PIGK: variants seen among roughly 807,000 people sequenced by gnomAD.
The protein encoded by PIGK is GPI-anchor transamidase.
PIGK carries 42 observed loss-of-function variants against 50.6 expected under a neutral mutation model. That is an observed-to-expected ratio of 0.83 (90% CI 0.65 to 1.07). The LOEUF (loss-of-function observed/expected upper bound fraction) is 1.07, where lower values mean the gene tolerates loss of function less well. PIGK is among the 50% of genes least tolerant of loss of function. PIGK has a pLI of 0.00. For synonymous variants in PIGK, 151 were observed against 156.0 expected, an observed-to-expected ratio of 0.97 and a Z score of 0.24; for missense variants, 448 against 488.7, an observed-to-expected ratio of 0.92 and a Z score of 0.78.
At chr1:77,180,657 G>C (rs1228939751) in intron 3 of PIGK, among the ~76,000 whole-genome samples, 1 of 131,264 alleles carries the variant, frequency 7.6e-6, no homozygotes, top group African/African-American at 2.8e-5. Context: ...ATCAACATAT[G>C]TAAGATCAAC....
chr1:77,191,412 AG>A, intron 3 of PIGK, among the ~76,000 whole-genome samples: 1 of 152,198 alleles, frequency 6.6e-6, no homozygotes, highest in East Asian at 1.9e-4. Context: ...TCCCTAACTA[AG>A]CTACTATAAT....
intron 10 of PIGK, among the ~76,000 whole-genome samples, chr1:77,106,283 A>T (rs1653670710): frequency 6.6e-6 from 1 of 152,164 alleles, no homozygotes; most frequent in African/African-American, 2.4e-5. Context: ...TTTCAAGTGG[A>T]AAAGGAGGAC....
chr1:77,200,270 T>C (rs572616889), intron 3 of PIGK, among the ~76,000 whole-genome samples: 1 of 152,138 alleles, frequency 6.6e-6, no homozygotes, highest in South Asian at 2.1e-4. Flanking sequence ...TATATTGAAG[T>C]ACATGAATAC....
intron 8 of PIGK, 112 bp from the exon 9 acceptor site, chr1:77,154,733 A>G: frequency 1.4e-6 from 1 of 708,852 alleles, no homozygotes; most frequent in Admixed American, 3.1e-5. Context: ...TCCCAACCTA[A>G]AGAAGCTATG....
intron 3 of PIGK, among the ~76,000 whole-genome samples, chr1:77,183,443 G>T (rs1366408632): frequency 1.3e-5 from 2 of 152,188 alleles, no homozygotes; most frequent in Non-Finnish European, 2.9e-5. Flanking sequence ...ATTCTCCTCA[G>T]GAGCCACCTC....
At chr1:77,213,994 A>T (rs1260350115) in intron 1 of PIGK, among the ~76,000 whole-genome samples, 5 of 152,204 alleles carry the variant, frequency 3.3e-5, no homozygotes, top group Non-Finnish European at 7.3e-5. Flanking sequence ...GAAGAAAGAG[A>T]AACCTGAATG....
In PIGK at chr1:77,169,921, ACAAT is replaced by A. The variant is rs1295781777; in HGVS notation, c.240-530_240-527del. On this transcript the variant is annotated intron_variant, in intron 3 of 10. Coordinates refer to ENST00000370812, the MANE Select transcript of PIGK (RefSeq NM_005482.3). The stretch of plus-strand genomic sequence containing the variant: ...AAAAACATGCAACTGATCAGCAAGT[ACAAT>A]CAGTTTAGCACAAGAGCACACCTCC... Among the ~76,000 whole-genome samples the A allele has an allele frequency of 2.6e-5, 4 of 152,322 alleles. No homozygotes were observed. The Middle Eastern group carries it at 0.014, about 518-fold the overall frequency.
chr1:77,119,757 C>A (rs984279371), intron 10 of PIGK, among the ~76,000 whole-genome samples: 1 of 152,228 alleles, frequency 6.6e-6, no homozygotes, highest in Non-Finnish European at 1.5e-5. Context: ...GCTTTGAAAG[C>A]CTCCATCTCT....
chr1:77,188,465 AC>A (rs1655805261), intron 3 of PIGK, among the ~76,000 whole-genome samples: 1 of 152,080 alleles, frequency 6.6e-6, no homozygotes, highest in Non-Finnish European at 1.5e-5. Context: ...TGATCTCAAA[AC>A]CCTGTCTCCT....
At chr1:77,128,727 T>C (rs2100532965) in intron 9 of PIGK, among the ~76,000 whole-genome samples, 1 of 152,322 alleles carries the variant, frequency 6.6e-6, no homozygotes. Context: ...GTTCCAGTCA[T>C]TTTATTTTGC....
At chr1:77,202,938 G>C (rs779416493) in intron 3 of PIGK, among the ~76,000 whole-genome samples, 5 of 152,130 alleles carry the variant, frequency 3.3e-5, no homozygotes, top group African/African-American at 4.8e-5. Flanking sequence ...TTATTCCCTA[G>C]AGTAAACAGG....
intron 10 of PIGK, among the ~76,000 whole-genome samples, chr1:77,110,843 AT>A (rs1227102417): frequency 6.6e-6 from 1 of 152,144 alleles, no homozygotes; most frequent in Non-Finnish European, 1.5e-5. Context: ...GTGGGAGAAA[AT>A]TTTTGCAATC....
chr1:77,167,881 T>A (rs1327175966), intron 4 of PIGK, among the ~76,000 whole-genome samples: 1 of 152,262 alleles, frequency 6.6e-6, no homozygotes, highest in Non-Finnish European at 1.5e-5. Flanking sequence ...CAATTATAGA[T>A]TAACCATGAA....
intron 3 of PIGK, among the ~76,000 whole-genome samples, chr1:77,185,225 C>T (rs563988168): frequency 2.0e-5 from 3 of 152,306 alleles, no homozygotes; most frequent in Admixed American, 2.0e-4. Context: ...TACTGTCCTG[C>T]CTCAGGGGTA....
intron 5 of PIGK, among the ~76,000 whole-genome samples, chr1:77,165,750 A>C (rs991254814): frequency 7.2e-5 from 11 of 152,164 alleles, no homozygotes; most frequent in African/African-American, 2.7e-4. Flanking sequence ...GCACAGAGGA[A>C]AGTCCAGACC....
rs770072083 is a variant in PIGK, at chr1:77,219,410, G to C, written c.-8C>G. On this transcript the variant is annotated 5_prime_UTR_variant, in exon 1 of 11. Coordinates refer to ENST00000370812, the MANE Select transcript of PIGK (RefSeq NM_005482.3). ...GCTGTCGGTGACGGCCATGTTTACC[G>C]GCTTCAGACTTCCCGCACCTGAAGG... is the stretch of plus-strand genomic sequence containing the variant. 6.8e-6 allele frequency: 11 copies of C among 1,611,854 alleles called. No homozygotes were observed. Among genetic ancestry groups the C allele is most frequent in the Non-Finnish European group, 9.3e-6 (11 of 1,178,616 alleles).
At chr1:77,155,848 G>A (rs914300933) in intron 8 of PIGK, among the ~76,000 whole-genome samples, 2 of 152,106 alleles carry the variant, frequency 1.3e-5, no homozygotes, top group Non-Finnish European at 2.9e-5. Context: ...AGGGTAGAGC[G>A]GCTACAATTT....
intron 10 of PIGK, among the ~76,000 whole-genome samples, chr1:77,094,283 A>C (rs944560193): frequency 6.6e-6 from 1 of 152,170 alleles, no homozygotes; most frequent in Non-Finnish European, 1.5e-5. Context: ...GATTTTCCCT[A>C]ACAACTAGGA....
chr1:77,148,755 G>A (rs889865772), intron 9 of PIGK, among the ~76,000 whole-genome samples: 4 of 149,778 alleles, frequency 2.7e-5, no homozygotes, highest in Non-Finnish European at 5.9e-5. Flanking sequence ...TTGCTCTGTC[G>A]CCAAGCTGGA....
Sources: allele counts gnomAD v4.1 joint callset (sites outside exome capture counted in the v4.1 genomes callset), GRCh38; gene constraint gnomAD v4.1.1; transcripts MANE v1.5; gene names NCBI Gene and HGNC (gene_info 2026-07-23, HGNC 2026-07-21).